The following FAM20B variants were observed in gnomAD, a reference collection of about 807,000 sequenced individuals.
The protein encoded by FAM20B is FAM20B glycosaminoglycan xylosylkinase.
FAM20B carries 23 observed loss-of-function variants against 43.8 expected under a neutral mutation model. The observed-to-expected ratio is 0.53, with a 90% CI of 0.38 to 0.74. The LOEUF (loss-of-function observed/expected upper bound fraction) is 0.74. FAM20B is among the 30% of genes least tolerant of loss of function. The pLI, the probability that FAM20B is intolerant of heterozygous loss-of-function variation, is 0.00. For missense variants in FAM20B, 440 were observed against 510.5 expected (o/e 0.86, Z 1.33); for synonymous variants, 178 against 192.4 (o/e 0.93, Z 0.62).
At chr1:179,060,552 G>C (rs542072354) in intron 4 of FAM20B, among the ~76,000 whole-genome samples, 2 of 152,194 alleles carry the variant, frequency 1.3e-5, no homozygotes, top group Admixed American at 1.3e-4. Flanking sequence ...AAGGATCTAG[G>C]CTGCACGTTC....
intron 3 of FAM20B, among the ~76,000 whole-genome samples, 154 bp downstream of exon 3, chr1:179,050,519 T>C (rs1201649813): frequency 6.6e-6 from 1 of 152,254 alleles, no homozygotes; most frequent in Non-Finnish European, 1.5e-5. Flanking sequence ...TAAACTTGTA[T>C]GAGTCTCATA....
rs554900954 is a variant in FAM20B at position 179,052,808 on chromosome 1, A to G, written c.465-1721A>G. Among the ~76,000 whole-genome samples, 3 of 152,230 alleles carry G rather than the reference A, an allele frequency of 2.0e-5. No individual in the cohort carries two copies. In the East Asian group the frequency reaches 5.8e-4, roughly 29 times the overall value. The stretch of plus-strand genomic sequence containing the variant: ...GCACACTAGAATCAGGCTTTCCAAG[A>G]CCTTATCTGTTTGCCTCTTTTCTTC... On this transcript the variant is annotated intron_variant, in intron 3 of 7. Transcript: ENST00000263733.
In FAM20B at chr1:179,074,574, GAA is replaced by G. The variant is rs2102533974; in HGVS notation, c.*2433_*2434del. ...GCTAAGGAAAAAAGCAGGCAGGAAA[GAA>G]AATGTCTCATCCTTTCTTGAAAGCA... On this transcript the variant is annotated 3_prime_UTR_variant, in exon 8 of 8. Coordinates refer to ENST00000263733, the MANE Select transcript of FAM20B (RefSeq NM_014864.4). 1.3e-5 allele frequency: 2 copies of G among 152,276 alleles called. No homozygotes were observed. The highest frequency in any genetic ancestry group is 4.1e-4 in the South Asian group (2 of 4,830). 9.4% of individuals were successfully genotyped at this position (152,276 alleles called of 1,614,324 possible). A position where few individuals can be genotyped will look rare whatever the true frequency, so the allele number is the denominator to read the frequency against.
chr1:179,017,499 C>T, the FAM20B span, among the ~76,000 whole-genome samples: 1 of 152,100 alleles, frequency 6.6e-6, no homozygotes, highest in African/African-American at 2.4e-5. Context: ...TGTGAATTGC[C>T]AGTCTGTGTT....
intron 1 of FAM20B, among the ~76,000 whole-genome samples, chr1:179,029,411 T>C (rs1157197471): frequency 6.6e-6 from 1 of 152,226 alleles, no homozygotes; most frequent in Non-Finnish European, 1.5e-5. Context: ...TCGAGCTGCC[T>C]AGAAGAGAAA....
Position 179,072,369 on chromosome 1 carries a change from G to A in FAM20B, c.*225G>A, listed in dbSNP as rs541217133. On this transcript the variant is annotated 3_prime_UTR_variant, in exon 8 of 8. Transcript: ENST00000263733. ...GCTGAATCGCCTTCTCACCTCCTCGGCAATTGCTCATTCTAGGGTTGGGCA... is the reference window on the plus strand; with the variant it reads ...GCTGAATCGCCTTCTCACCTCCTCGACAATTGCTCATTCTAGGGTTGGGCA... 1 of 541,846 alleles carries A rather than the reference G, an allele frequency of 1.8e-6. No individual in the cohort carries two copies. The highest frequency in any genetic ancestry group is 2.2e-5 in the South Asian group (1 of 46,396). The allele number at this position is 541,846 out of a possible 1,614,324, so 33.6% of individuals were successfully genotyped here. A position where few individuals can be genotyped will look rare whatever the true frequency, so the allele number is the denominator to read the frequency against.
Position 179,073,978 on chromosome 1 carries a change from C to T in FAM20B, c.*1834C>T, listed in dbSNP as rs975785880. The T allele has an allele frequency of 2.0e-5, 3 of 152,110 alleles. No homozygotes were observed. The highest frequency in any genetic ancestry group is 2.9e-5 in the Non-Finnish European group (2 of 68,020). 9.4% of individuals were successfully genotyped at this position (152,110 alleles called of 1,614,324 possible). A position where few individuals can be genotyped will look rare whatever the true frequency, so the allele number is the denominator to read the frequency against. ...GCTTTGCATTTCTGTCAAGTAGAGG[C>T]GAATATATAAACAGTGTGGTTGAAT... On this transcript the variant is annotated 3_prime_UTR_variant, in exon 8 of 8. Transcript: ENST00000263733.
intron 1 of FAM20B, among the ~76,000 whole-genome samples, chr1:179,034,094 T>G (rs1017968924): frequency 6.6e-6 from 1 of 152,224 alleles, no homozygotes; most frequent in Non-Finnish European, 1.5e-5. Flanking sequence ...AGACCACAAC[T>G]GGGACTGGAA....
the FAM20B span, among the ~76,000 whole-genome samples, chr1:179,017,773 C>T: frequency 6.6e-6 from 1 of 152,248 alleles, no homozygotes; most frequent in East Asian, 1.9e-4. Flanking sequence ...CACCAATTTG[C>T]TACAAGAATG....
chr1:179,047,834 G>T (rs1650843312), intron 2 of FAM20B, among the ~76,000 whole-genome samples: 1 of 152,196 alleles, frequency 6.6e-6, no homozygotes, highest in Non-Finnish European at 1.5e-5. Flanking sequence ...TCAGCAGAAG[G>T]ATAGGAATGA....
chr1:179,075,539 A>G lies in FAM20B; in HGVS notation c.*3395A>G, dbSNP rs2102535184. On this transcript the variant is annotated 3_prime_UTR_variant, in exon 8 of 8. Coordinates refer to ENST00000263733, the MANE Select transcript of FAM20B (RefSeq NM_014864.4). ...AAATGTAAATAATTTTCTGTGTAAA[A>G]CAAATTCATAGGATCTGATTTGCTC... 6.5e-6 allele frequency: 1 copy of G among 152,748 alleles called. No homozygotes were observed. Among genetic ancestry groups the G allele is most frequent in the South Asian group, 2.1e-4 (1 of 4,830 alleles). The allele number at this position is 152,748 out of a possible 1,614,324, so 9.5% of individuals were successfully genotyped here.
intron 1 of FAM20B, among the ~76,000 whole-genome samples, chr1:179,035,848 G>A (rs920850398): frequency 8.6e-5 from 13 of 152,038 alleles, no homozygotes; most frequent in Admixed American, 3.3e-4. Context: ...TGAATTAGCC[G>A]GCTGGGCGTG....
At chr1:179,040,733 G>A (rs1195654597) in intron 1 of FAM20B, among the ~76,000 whole-genome samples, 2 of 149,326 alleles carry the variant, frequency 1.3e-5, no homozygotes, top group Non-Finnish European at 3.0e-5. Context: ...CCTCCCGGAC[G>A]GGGCGGCTGG....
At chr1:179,051,474 A>G (rs1166277568) in intron 3 of FAM20B, among the ~76,000 whole-genome samples, 1 of 151,956 alleles carries the variant, frequency 6.6e-6, no homozygotes, top group African/African-American at 2.4e-5. Flanking sequence ...AAAAAATACA[A>G]AAATTAGCTG....
chr1:179,053,396 G>C (rs1173107946), intron 3 of FAM20B, among the ~76,000 whole-genome samples: 1 of 152,046 alleles, frequency 6.6e-6, no homozygotes, highest in South Asian at 2.1e-4. Flanking sequence ...TGATCATGCC[G>C]CTGCACTCTG....
chr1:179,026,318 G>T (rs1649772478), intron 1 of FAM20B, among the ~76,000 whole-genome samples: 1 of 151,664 alleles, frequency 6.6e-6, no homozygotes, highest in Non-Finnish European at 1.5e-5. Flanking sequence ...AGGCTTCCTG[G>T]GAGACCCGCT....
Position 179,075,626 on chromosome 1 carries a change from T to C in FAM20B, c.*3482T>C, listed in dbSNP as rs1395672824. 6.6e-6 allele frequency: 1 copy of C among 152,630 alleles called. No homozygotes were observed. The highest frequency in any genetic ancestry group is 6.5e-5 in the Admixed American group (1 of 15,282). The allele number at this position is 152,630 out of a possible 1,614,324, so 9.5% of individuals were successfully genotyped here. On this transcript the variant is annotated 3_prime_UTR_variant, in exon 8 of 8. Coordinates refer to ENST00000263733, the MANE Select transcript of FAM20B (RefSeq NM_014864.4). ...CCCCTGTTTGCACTCAGGGTTAATA[T>C]GTCAAATGAAATTTAAGAAGGAAAT... is the stretch of plus-strand genomic sequence containing the variant.
At chr1:179,023,235 A>AG (rs925944715), upstream of FAM20B, among the ~76,000 whole-genome samples, 2 of 152,148 alleles carry the variant, frequency 1.3e-5, no homozygotes, top group Non-Finnish European at 2.9e-5. Context: ...CCTTGGCTGG[A>AG]GGGGGACAGC....
chr1:179,057,825 G>T (rs7526276), intron 4 of FAM20B, among the ~76,000 whole-genome samples: 68,043 of 146,346 alleles, frequency 0.46, 16,312 homozygotes, highest in African/African-American at 0.55. Flanking sequence ...GCTATGGACT[G>T]TTGGGGTGGG....
Sources: allele counts gnomAD v4.1 joint callset (sites outside exome capture counted in the v4.1 genomes callset), GRCh38; gene constraint gnomAD v4.1.1; transcripts MANE v1.5; gene names NCBI Gene and HGNC (gene_info 2026-07-23, HGNC 2026-07-21).